Variants in PCDHA11 observed in about 807,000 individuals in gnomAD.
The protein encoded by PCDHA11 is protocadherin alpha 11.
A neutral mutation model predicts 70.3 loss-of-function variants in PCDHA11; 61 were observed. The ratio of observed to expected loss-of-function variants is 0.87; its 90% CI spans 0.71 to 1.07. The LOEUF (loss-of-function observed/expected upper bound fraction) is 1.07. PCDHA11 is among the 50% of genes least tolerant of loss of function. PCDHA11 has a pLI of 0.00. For missense variants in PCDHA11, 1,324 were observed against 1,237.5 expected, an observed-to-expected ratio of 1.07 and a Z score of -1.05; for synonymous variants, 633 against 555.1, an observed-to-expected ratio of 1.14 and a Z score of -1.97.
chr5:140,922,350 G>A (rs2080793001), intron 1 of PCDHA11, among the ~76,000 whole-genome samples: 11 of 152,212 alleles, frequency 7.2e-5, no homozygotes, highest in Admixed American at 7.2e-4. Context: ...GTATTTTCTA[G>A]AGTAGTGATT....
chr5:140,927,640 A>G (rs2084459027), intron 1 of PCDHA11: 8 of 1,614,138 alleles, frequency 5.0e-6, no homozygotes, highest in Non-Finnish European at 6.8e-6. Flanking sequence ...ACCCAATGGG[A>G]CTGTGTTATT....
chr5:140,870,438 C>A lies in PCDHA11; in HGVS notation c.1335C>A (p.Ala445=). Residue 445 remains alanine (A), a synonymous_variant, in exon 1 of 4, where the codon GCC becomes GCA. Coordinates refer to ENST00000398640, the MANE Select transcript of PCDHA11 (RefSeq NM_018902.5). ...CGGCCAGGGTATCCGTGGAGGTGGC[C>A]GACGTGAACGACAATGCGCCTGCGT... ...WATARVSVEV[A]DVNDNAPAFA... The A allele has an allele frequency of 6.2e-7, 1 of 1,614,178 alleles. No homozygotes were observed. The highest frequency in any genetic ancestry group is 8.5e-7 in the Non-Finnish European group (1 of 1,180,046).
At chr5:141,000,395 CTA>C (rs1190667031) in intron 3 of PCDHA11, among the ~76,000 whole-genome samples, 91 of 53,954 alleles carry the variant, frequency 1.7e-3, no homozygotes, top group Admixed American at 3.8e-3. Flanking sequence ...CTCTCTCTCT[CTA>C]TATATATATA....
rs202032784 is a variant in PCDHA11, at chr5:140,927,180, C to T, written c.2392-51769C>T. On this transcript the variant is annotated intron_variant, in intron 1 of 3. Coordinates refer to ENST00000398640, the MANE Select transcript of PCDHA11 (RefSeq NM_018902.5). ...GGGCCAAAGCTGCCTGCGTCTTGAC[C>T]TACGACCTGGTGCTCGAGGACCCGC... is the stretch of plus-strand genomic sequence containing the variant. 5 of 1,614,048 alleles carry T rather than the reference C, an allele frequency of 3.1e-6. No homozygotes were observed. The South Asian group carries it at 3.3e-5, about 11-fold the overall frequency.
chr5:140,872,593 A>T (rs1214441484), intron 1 of PCDHA11, among the ~76,000 whole-genome samples: 1 of 152,160 alleles, frequency 6.6e-6, no homozygotes, highest in African/African-American at 2.4e-5. Flanking sequence ...TGAGACCCCC[A>T]TCTGAAAAAA....
At chr5:140,886,651 C>T (rs1427441330) in intron 1 of PCDHA11, among the ~76,000 whole-genome samples, 4 of 151,902 alleles carry the variant, frequency 2.6e-5, no homozygotes, top group Non-Finnish European at 4.4e-5. Context: ...CATGGTGAAA[C>T]CCTGTCTCTA....
In PCDHA11 at chr5:140,877,039, C is replaced by T. The variant is rs782458785; in HGVS notation, c.2391+5545C>T. ...CGGCAAGGTGTACGCGCTGCAGCCG[C>T]TAGACCACGAGGAGCTGGAGCTGCT... is the stretch of plus-strand genomic sequence containing the variant. On this transcript the variant is annotated intron_variant, in intron 1 of 3. Transcript: ENST00000398640. The T allele has an allele frequency of 3.7e-6, 6 of 1,612,576 alleles. No homozygotes were observed. In the African/African-American group the frequency reaches 5.3e-5, roughly 14 times the overall value.
At chr5:140,879,844 C>A (rs1333807567) in intron 1 of PCDHA11, among the ~76,000 whole-genome samples, 1 of 152,194 alleles carries the variant, frequency 6.6e-6, no homozygotes, top group East Asian at 1.9e-4. Context: ...CTGTACCACT[C>A]CCATCTCAGC....
chr5:140,999,066 T>G (rs2097845533), intron 3 of PCDHA11, among the ~76,000 whole-genome samples: 1 of 152,214 alleles, frequency 6.6e-6, no homozygotes, highest in Admixed American at 6.5e-5. Flanking sequence ...CTAAGTAGTC[T>G]CCTTCACTTC....
chr5:140,874,280 C>T (rs1317233709), intron 1 of PCDHA11, among the ~76,000 whole-genome samples: 3 of 152,146 alleles, frequency 2.0e-5, no homozygotes, highest in Admixed American at 6.5e-5. Flanking sequence ...AATAGACTTA[C>T]AAAATCTATG....
chr5:140,957,614 T>C (rs1208546101), intron 1 of PCDHA11, among the ~76,000 whole-genome samples: 6 of 152,134 alleles, frequency 3.9e-5, no homozygotes, highest in African/African-American at 1.4e-4. Flanking sequence ...CACAGACATA[T>C]ACATGCACAC....
chr5:140,873,318 G>A (rs1164778902), intron 1 of PCDHA11, among the ~76,000 whole-genome samples: 1 of 152,168 alleles, frequency 6.6e-6, no homozygotes, highest in Non-Finnish European at 1.5e-5. Context: ...GTGAATATTA[G>A]ATAGGGCATA....
intron 1 of PCDHA11, among the ~76,000 whole-genome samples, chr5:140,919,944 A>T (rs1554199311): frequency 6.6e-6 from 1 of 151,622 alleles, no homozygotes; most frequent in Non-Finnish European, 1.5e-5. Flanking sequence ...AATTCCAGTG[A>T]AAAGTTTGTT....
intron 1 of PCDHA11, among the ~76,000 whole-genome samples, chr5:140,913,292 T>G (rs1252467748): frequency 6.6e-6 from 1 of 152,184 alleles, no homozygotes; most frequent in African/African-American, 2.4e-5. Flanking sequence ...AGGTTTTAAT[T>G]TCTTCATAGA....
chr5:140,986,358 A>C (rs1440671712), intron 3 of PCDHA11, among the ~76,000 whole-genome samples: 1 of 152,116 alleles, frequency 6.6e-6, no homozygotes, highest in African/African-American at 2.4e-5. Context: ...CTTCAGATGG[A>C]GGAATGCGTT....
chr5:140,877,276 G>C, intron 1 of PCDHA11: 2 of 1,613,862 alleles, frequency 1.2e-6, no homozygotes, highest in Non-Finnish European at 1.7e-6. Flanking sequence ...CGCTGACTCC[G>C]GCTATAACGC....
At chr5:140,946,893 A>T (rs1233227457) in intron 1 of PCDHA11, among the ~76,000 whole-genome samples, 1 of 151,482 alleles carries the variant, frequency 6.6e-6, no homozygotes, top group African/African-American at 2.4e-5. Context: ...TTACAATTAG[A>T]TAGGAAGAAT....
chr5:140,899,721 T>C (rs1415074846), intron 1 of PCDHA11, among the ~76,000 whole-genome samples: 1 of 152,250 alleles, frequency 6.6e-6, no homozygotes, highest in Non-Finnish European at 1.5e-5. Flanking sequence ...GATTCCCTCT[T>C]TTTCTATTGA....
intron 1 of PCDHA11, among the ~76,000 whole-genome samples, chr5:140,890,900 A>G (rs1554184581): frequency 6.6e-6 from 1 of 151,984 alleles, no homozygotes; most frequent in Admixed American, 6.6e-5. Flanking sequence ...TTGTCTTTCC[A>G]TGTTAGAATA....
Sources: allele counts gnomAD v4.1 joint callset (sites outside exome capture counted in the v4.1 genomes callset), GRCh38; gene constraint gnomAD v4.1.1; transcripts MANE v1.5; gene names NCBI Gene and HGNC (gene_info 2026-07-23, HGNC 2026-07-21).